The following SLC24A2 variants were observed in gnomAD, a reference collection of about 807,000 sequenced individuals.
SLC24A2 encodes the protein solute carrier family 24 member 2.
A neutral mutation model predicts 62.0 loss-of-function variants in SLC24A2; 36 were observed. The ratio of observed to expected loss-of-function variants is 0.58; its 90% CI spans 0.44 to 0.77. SLC24A2 has a LOEUF of 0.77. Among genes scored for constraint, SLC24A2 ranks in the 30% least tolerant of loss-of-function variants. The pLI is 0.00. For missense variants in SLC24A2, 846 were observed against 817.9 expected (o/e 1.03, Z -0.42); for synonymous variants, 358 against 294.0 (o/e 1.22, Z -2.23).
intron 2 of SLC24A2, among the ~76,000 whole-genome samples, chr9:19,780,096 G>A (rs1294806023): frequency 1.3e-5 from 2 of 151,636 alleles, no homozygotes; most frequent in Non-Finnish European, 2.9e-5. Context: ...ACAAACAAAC[G>A]GACAAAAAAC....
chr9:20,157,116 C>T, the SLC24A2 span, among the ~76,000 whole-genome samples: 3 of 151,538 alleles, frequency 2.0e-5, no homozygotes, highest in Non-Finnish European at 3.0e-5. Flanking sequence ...TAAGTACTCA[C>T]AACTTTGAAA....
chr9:19,588,313 C>T (rs1018029100), intron 5 of SLC24A2, among the ~76,000 whole-genome samples: 1 of 151,448 alleles, frequency 6.6e-6, no homozygotes, highest in Non-Finnish European at 1.5e-5. Flanking sequence ...AAAGATAGCA[C>T]GATATTGGAA....
the SLC24A2 span, among the ~76,000 whole-genome samples, chr9:20,159,477 A>G: frequency 1.3e-5 from 2 of 151,670 alleles, no homozygotes; most frequent in African/African-American, 4.8e-5. Context: ...TAACCAATAT[A>G]TAAGTAGAAA....
intron 2 of SLC24A2, among the ~76,000 whole-genome samples, chr9:19,685,410 T>C (rs1480185069): frequency 6.6e-6 from 1 of 152,062 alleles, no homozygotes; most frequent in Non-Finnish European, 1.5e-5. Context: ...GAAAAAGCTA[T>C]CTTAAAAATT....
Position 19,788,875 on chromosome 9 carries a change from C to T in SLC24A2, c.-154+10G>A, listed in dbSNP as rs1307905648. The T allele has an allele frequency of 7.1e-6, 7 of 985,294 alleles. No homozygotes were observed. The African/African-American group carries it at 8.7e-5, about 12-fold the overall frequency. 61.0% of individuals were successfully genotyped at this position (985,294 alleles called of 1,614,324 possible). ...ACAGCGGCAGGCGGGGCGCAGCCGC[C>T]CGCACTTACCAGGATAAGATGGGAG... On this transcript the variant is annotated intron_variant, in intron 1 of 10. Coordinates refer to ENST00000341998, the MANE Select transcript of SLC24A2 (RefSeq NM_020344.4).
At chr9:20,012,470 G>T in the SLC24A2 span, among the ~76,000 whole-genome samples, 1 of 152,216 alleles carries the variant, frequency 6.6e-6, no homozygotes, top group South Asian at 2.1e-4. Flanking sequence ...TGTGGGTGGG[G>T]ACACAGTCAA....
the SLC24A2 span, among the ~76,000 whole-genome samples, chr9:19,900,283 G>GC: frequency 1.3e-5 from 2 of 152,170 alleles, no homozygotes; most frequent in African/African-American, 4.8e-5. Context: ...CAAGTAACTG[G>GC]CTTCCACCTT....
At chr9:19,978,060 A>G in the SLC24A2 span, among the ~76,000 whole-genome samples, 1 of 152,212 alleles carries the variant, frequency 6.6e-6, no homozygotes, top group Middle Eastern at 3.4e-3. Context: ...GGATAAATAG[A>G]TGGGTGTTCA....
chr9:19,851,926 A>G, the SLC24A2 span, among the ~76,000 whole-genome samples: 2 of 152,146 alleles, frequency 1.3e-5, no homozygotes, highest in African/African-American at 4.8e-5. Context: ...ACAGTGGTTG[A>G]ACTAACTGAC....
chr9:20,239,160 C>G, the SLC24A2 span, among the ~76,000 whole-genome samples: 1 of 152,236 alleles, frequency 6.6e-6, no homozygotes, highest in Non-Finnish European at 1.5e-5. Context: ...TGAGCAGAAG[C>G]TCACTTGGTC....
Position 19,593,103 on chromosome 9 carries a change from G to C in SLC24A2, c.1129+4126C>G, listed in dbSNP as rs568825988. On this transcript the variant is annotated intron_variant, in intron 5 of 10. Coordinates refer to ENST00000341998, the MANE Select transcript of SLC24A2 (RefSeq NM_020344.4). ...CATCTTGGGACACATGAACATGGCA[G>C]TGGAGACATCGCCTGCCAGGCACAG... Among the ~76,000 whole-genome samples the C allele has an allele frequency of 7.2e-5, 11 of 152,368 alleles. No homozygotes were observed. In the South Asian group the frequency reaches 2.3e-3, roughly 32 times the overall value.
intron 2 of SLC24A2, among the ~76,000 whole-genome samples, chr9:19,666,678 C>T (rs968758695): frequency 6.6e-6 from 1 of 152,104 alleles, no homozygotes; most frequent in Non-Finnish European, 1.5e-5. Context: ...GTACTGGTAA[C>T]AAAATAGCAC....
chr9:20,175,010 G>T, the SLC24A2 span, among the ~76,000 whole-genome samples: 1 of 101,094 alleles, frequency 9.9e-6, no homozygotes. Flanking sequence ...ATCAGTTTCT[G>T]AATTTTTTAT....
the SLC24A2 span, among the ~76,000 whole-genome samples, chr9:20,101,007 A>G: frequency 1.3e-5 from 2 of 152,324 alleles, no homozygotes; most frequent in East Asian, 1.9e-4. Context: ...CCTTGAAACT[A>G]TGGTCTCATT....
the SLC24A2 span, among the ~76,000 whole-genome samples, chr9:19,873,950 C>T: frequency 1.3e-5 from 2 of 152,102 alleles, no homozygotes; most frequent in African/African-American, 4.8e-5. Context: ...TTCTCTAGAT[C>T]AGCAATTCTT....
At chr9:20,302,669 CTA>C in the SLC24A2 span, among the ~76,000 whole-genome samples, 1 of 152,248 alleles carries the variant, frequency 6.6e-6, no homozygotes, top group Admixed American at 6.5e-5. Context: ...TTCTCCCAGT[CTA>C]TGGCTTGTCT....
Position 19,534,101 on chromosome 9 carries a change from G to A in SLC24A2, c.1480-5963C>T, listed in dbSNP as rs558101052. ...AACCTTCTGACCATTTATTCACAGA[G>A]GGGAAAAAATTCGGTCCAGAGTTGA... On this transcript the variant is annotated intron_variant, in intron 8 of 10. Transcript: ENST00000341998. 1.2e-3 allele frequency among the ~76,000 whole-genome samples: 185 copies of A among 152,294 alleles called. 1 individual carries two copies. The highest frequency in any genetic ancestry group is 4.2e-3 in the African/African-American group (174 of 41,552).
chr9:20,120,391 T>G, the SLC24A2 span, among the ~76,000 whole-genome samples: 3 of 152,124 alleles, frequency 2.0e-5, no homozygotes, highest in Non-Finnish European at 4.4e-5. Context: ...AAGAATGAGC[T>G]CATGTCCTTT....
In SLC24A2 at chr9:19,552,921, C is replaced by T. The variant is rs916908446; in HGVS notation, c.1348-2653G>A. Among the ~76,000 whole-genome samples the T allele has an allele frequency of 4.9e-4, 74 of 152,308 alleles. 1 individual carries two copies. Among genetic ancestry groups the T allele is most frequent in the African/African-American group, 1.7e-3 (70 of 41,554 alleles). ...AATGCAAACAATTAACTATATTGAA[C>T]AGCTTCCAAAGCTGCATTGGAGGTA... On this transcript the variant is annotated intron_variant, in intron 7 of 10. Coordinates refer to ENST00000341998, the MANE Select transcript of SLC24A2 (RefSeq NM_020344.4).
Sources: gnomAD v4.1 joint callset for allele counts (sites outside exome capture counted in the v4.1 genomes callset) on GRCh38, gnomAD v4.1.1 for gene constraint, MANE v1.5 for transcripts, NCBI Gene and HGNC (gene_info 2026-07-23, HGNC 2026-07-21) for gene names.